PTTG1IP2: variants seen among roughly 807,000 people sequenced by gnomAD.
PTTG1IP2 encodes the protein PTTG1IP family member 2.
chr7:90,497,133 T>C (rs1798001290), intron 6 of PTTG1IP2, among the ~76,000 whole-genome samples: 1 of 152,218 alleles, frequency 6.6e-6, no homozygotes, highest in Non-Finnish European at 1.5e-5. Flanking sequence ...GTTCCATGTG[T>C]GCTGAAGAAG....
At chr7:90,470,479 A>G (rs1797670786) in intron 1 of PTTG1IP2, 1 of 152,232 alleles carries the variant, frequency 6.6e-6, no homozygotes, top group African/African-American at 2.4e-5. Flanking sequence ...CGTATAGACA[A>G]AATAAGAGAC....
chr7:90,491,992 A>G (rs1797943965), intron 4 of PTTG1IP2, among the ~76,000 whole-genome samples: 1 of 151,974 alleles, frequency 6.6e-6, no homozygotes, highest in Non-Finnish European at 1.5e-5. Context: ...TTAGCTGGGT[A>G]TGGTGGTGAG....
chr7:90,485,178 G>A (rs1797855859), intron 2 of PTTG1IP2, among the ~76,000 whole-genome samples: 1 of 152,158 alleles, frequency 6.6e-6, no homozygotes, highest in Non-Finnish European at 1.5e-5. Flanking sequence ...GGGACACAAA[G>A]TAGCAGACAG....
intron 4 of PTTG1IP2, among the ~76,000 whole-genome samples, chr7:90,491,365 G>A (rs938198474): frequency 5.3e-5 from 8 of 152,128 alleles, no homozygotes; most frequent in Admixed American, 6.5e-5. Context: ...GCTCACGCCC[G>A]TAATCCCAGC....
intron 6 of PTTG1IP2, among the ~76,000 whole-genome samples, chr7:90,503,128 T>C (rs1344795491): frequency 6.6e-6 from 1 of 152,222 alleles, no homozygotes; most frequent in East Asian, 1.9e-4. Flanking sequence ...CGCCTTGCAC[T>C]TTTTTATTAT....
chr7:90,505,855 G>A (rs1003071322), intron 6 of PTTG1IP2, among the ~76,000 whole-genome samples: 55 of 151,876 alleles, frequency 3.6e-4, no homozygotes, highest in Non-Finnish European at 6.8e-4. Context: ...GCGGTGGCGG[G>A]CGCCTGTAGT....
At chr7:90,473,711 G>T (rs1488649898) in intron 1 of PTTG1IP2, among the ~76,000 whole-genome samples, 1 of 152,096 alleles carries the variant, frequency 6.6e-6, no homozygotes, top group Non-Finnish European at 1.5e-5. Context: ...TGAGTGAATA[G>T]TTGCTCCTGT....
At chr7:90,503,730 G>T (rs1478244373) in intron 6 of PTTG1IP2, among the ~76,000 whole-genome samples, 2 of 152,128 alleles carry the variant, frequency 1.3e-5, no homozygotes, top group Non-Finnish European at 2.9e-5. Flanking sequence ...GCAGTTTGTG[G>T]CACCCCCATA....
intron 1 of PTTG1IP2, among the ~76,000 whole-genome samples, chr7:90,473,904 G>T (rs1207235680): frequency 1.3e-5 from 2 of 152,174 alleles, no homozygotes; most frequent in Non-Finnish European, 2.9e-5. Context: ...TTCTGTAAAT[G>T]GTTGTTGTGA....
chr7:90,498,964 G>C (rs1201191509), intron 6 of PTTG1IP2, among the ~76,000 whole-genome samples: 2 of 151,992 alleles, frequency 1.3e-5, no homozygotes, highest in African/African-American at 2.4e-5. Flanking sequence ...TGATCCTCTG[G>C]CCTAAGCCTC....
intron 6 of PTTG1IP2, among the ~76,000 whole-genome samples, chr7:90,501,094 C>T (rs1798056154): frequency 6.6e-6 from 1 of 152,046 alleles, no homozygotes; most frequent in Admixed American, 6.6e-5. Flanking sequence ...AGAGATTGGG[C>T]CACATATGAC....
chr7:90,497,663 G>A (rs1371209335), intron 6 of PTTG1IP2, among the ~76,000 whole-genome samples: 4 of 135,142 alleles, frequency 3.0e-5, no homozygotes, highest in Non-Finnish European at 6.1e-5. Flanking sequence ...GCTGCAGTGA[G>A]CCGTGATCAT....
chr7:90,496,234 A>T (rs1004985761), intron 6 of PTTG1IP2, among the ~76,000 whole-genome samples: 1 of 152,178 alleles, frequency 6.6e-6, no homozygotes, highest in African/African-American at 2.4e-5. Flanking sequence ...GGTATTAGTT[A>T]TTTAAATGGT....
intron 6 of PTTG1IP2, among the ~76,000 whole-genome samples, chr7:90,497,986 C>T (rs1396583013): frequency 6.6e-6 from 1 of 151,800 alleles, no homozygotes; most frequent in Non-Finnish European, 1.5e-5. Context: ...TTGTTGAGTG[C>T]ATGTATATTT....
At chr7:90,507,407 A>T (rs1313323004) in intron 6 of PTTG1IP2, among the ~76,000 whole-genome samples, 3 of 152,210 alleles carry the variant, frequency 2.0e-5, no homozygotes, top group Non-Finnish European at 2.9e-5. Flanking sequence ...ACTAGCTGTG[A>T]AACCTAAGGT....
intron 1 of PTTG1IP2, among the ~76,000 whole-genome samples, chr7:90,475,841 C>G (rs1797741904): frequency 6.6e-6 from 1 of 151,686 alleles, no homozygotes; most frequent in African/African-American, 2.4e-5. Flanking sequence ...CACCTGTAGT[C>G]CCAGCTACTT....
chr7:90,482,659 C>T (rs1375632357), intron 2 of PTTG1IP2, among the ~76,000 whole-genome samples: 3 of 152,176 alleles, frequency 2.0e-5, no homozygotes, highest in African/African-American at 7.2e-5. Context: ...AGTCGTTATG[C>T]ATCCCTGTTG....
chr7:90,512,826 A>G (rs1212469298), intron 6 of PTTG1IP2, among the ~76,000 whole-genome samples: 2 of 152,234 alleles, frequency 1.3e-5, no homozygotes, highest in Non-Finnish European at 2.9e-5. Flanking sequence ...CTTTACAGTA[A>G]CAGACTTTGA....
rs77914852 is a variant in PTTG1IP2 at position 90,481,807 on chromosome 7, C to T, written c.192+2533C>T. Among the ~76,000 whole-genome samples the T allele has an allele frequency of 7.8e-3, 1,187 of 152,002 alleles. 46 individuals carry two copies. The highest frequency in any genetic ancestry group is 0.053 in the Admixed American group (803 of 15,252). ...AGGACAGAGTCCATGTTTTTTTATT[C>T]ATCTTTGTATCTCTAACACCTCACA... On this transcript the variant is annotated intron_variant, in intron 2 of 6. Transcript: ENST00000509356.
Sources: allele counts gnomAD v4.1 joint callset (sites outside exome capture counted in the v4.1 genomes callset), GRCh38; gene constraint gnomAD v4.1.1; transcripts MANE v1.5; gene names NCBI Gene and HGNC (gene_info 2026-07-23, HGNC 2026-07-21).